VTI1A: variants seen among roughly 807,000 people sequenced by gnomAD.
VTI1A encodes the protein vesicle transport through interaction with t-SNAREs 1A.
In VTI1A, 22 loss-of-function variants were observed where a neutral mutation model predicts 34.9. That is an observed-to-expected ratio of 0.63 (90% CI 0.45 to 0.90). VTI1A has a LOEUF of 0.90. Among genes scored for constraint, VTI1A ranks in the 40% least tolerant of loss-of-function variants. VTI1A has a pLI of 0.00. For missense variants in VTI1A, 268 were observed against 275.6 expected, an observed-to-expected ratio of 0.97 and a Z score of 0.20; for synonymous variants, 87 against 97.3, an observed-to-expected ratio of 0.89 and a Z score of 0.62.
rs143977484 is a variant in VTI1A at position 112,635,577 on chromosome 10, C to T, written c.428-32641C>T. 6.6e-5 allele frequency among the ~76,000 whole-genome samples: 10 copies of T among 152,142 alleles called. No homozygotes were observed. The East Asian group carries it at 1.7e-3, about 26-fold the overall frequency. ...GAAGATTTTAGAAAGATCAAACAATCGAGACGTACTGATGGTTGTAGACAA... is the reference window on the plus strand; with the variant it reads ...GAAGATTTTAGAAAGATCAAACAATTGAGACGTACTGATGGTTGTAGACAA... On this transcript the variant is annotated intron_variant, in intron 5 of 7. Coordinates refer to ENST00000393077, the MANE Select transcript of VTI1A (RefSeq NM_145206.4).
chr10:112,834,895 A>C, the VTI1A span, among the ~76,000 whole-genome samples: 3 of 152,168 alleles, frequency 2.0e-5, no homozygotes, highest in South Asian at 6.2e-4. Context: ...TGGGTACTCT[A>C]CACAGGCCAC....
At chr10:112,621,636 G>A (rs1371129081) in intron 5 of VTI1A, among the ~76,000 whole-genome samples, 1 of 152,170 alleles carries the variant, frequency 6.6e-6, no homozygotes, top group Admixed American at 6.5e-5. Context: ...AGATTCATGT[G>A]TATCATTTCA....
chr10:112,659,726 C>T, intron 5 of VTI1A, among the ~76,000 whole-genome samples: 1 of 152,328 alleles, frequency 6.6e-6, no homozygotes, highest in African/African-American at 2.4e-5. Context: ...CACACACACA[C>T]GCGCACGCGC....
At chr10:112,611,341 G>A (rs1452409460) in intron 5 of VTI1A, among the ~76,000 whole-genome samples, 1 of 152,116 alleles carries the variant, frequency 6.6e-6, no homozygotes, top group Non-Finnish European at 1.5e-5. Flanking sequence ...TCATCATCAT[G>A]CTATGTAGCA....
chr10:112,689,514 A>G (rs1848539975), intron 7 of VTI1A, among the ~76,000 whole-genome samples: 1 of 152,184 alleles, frequency 6.6e-6, no homozygotes. Context: ...AGGGGGCAGC[A>G]TGGGAGCATT....
At chr10:112,548,365 CAAGTT>C (rs1307853876) in intron 5 of VTI1A, among the ~76,000 whole-genome samples, 1 of 151,744 alleles carries the variant, frequency 6.6e-6, no homozygotes, top group African/African-American at 2.4e-5. Context: ...GATTTTTGGT[CAAGTT>C]GTTTCCATTA....
chr10:112,634,068 A>T (rs1027700296), intron 5 of VTI1A: 6 of 152,518 alleles, frequency 3.9e-5, no homozygotes, highest in South Asian at 4.1e-4. Context: ...TGGCCACTTT[A>T]AAAGTTTTGT....
chr10:112,687,524 C>T (rs1263282438), intron 7 of VTI1A, among the ~76,000 whole-genome samples: 2 of 151,798 alleles, frequency 1.3e-5, no homozygotes, highest in African/African-American at 2.4e-5. Flanking sequence ...TGAGCCACTG[C>T]GCCCGGCAAC....
chr10:112,570,355 A>T (rs546804114), intron 5 of VTI1A, among the ~76,000 whole-genome samples: 1 of 151,992 alleles, frequency 6.6e-6, no homozygotes, highest in Non-Finnish European at 1.5e-5. Flanking sequence ...AGCACTTCTT[A>T]TGGGGAAAAA....
intron 3 of VTI1A, among the ~76,000 whole-genome samples, chr10:112,505,538 TG>T (rs1160496857): frequency 6.6e-6 from 1 of 152,210 alleles, no homozygotes; most frequent in Non-Finnish European, 1.5e-5. Flanking sequence ...GTAGTGTTAG[TG>T]GTCACTTTAT....
intron 7 of VTI1A, among the ~76,000 whole-genome samples, chr10:112,732,029 T>C (rs1338825838): frequency 6.6e-6 from 1 of 152,172 alleles, no homozygotes; most frequent in Non-Finnish European, 1.5e-5. Flanking sequence ...CTTTACCGAA[T>C]CACCTTTTTT....
At chr10:112,615,067 G>A (rs1845465744) in intron 5 of VTI1A, among the ~76,000 whole-genome samples, 1 of 151,586 alleles carries the variant, frequency 6.6e-6, no homozygotes, top group African/African-American at 2.4e-5. Flanking sequence ...ATTATTAGCT[G>A]AAAAAAAACC....
intron 1 of VTI1A, among the ~76,000 whole-genome samples, chr10:112,447,843 G>A (rs1227713206): frequency 6.6e-6 from 1 of 152,152 alleles, no homozygotes; most frequent in Non-Finnish European, 1.5e-5. Flanking sequence ...ATCTACAGCG[G>A]CGTTGTTGTG....
chr10:112,660,819 C>T lies in VTI1A; in HGVS notation c.428-7399C>T, dbSNP rs141754630. Reference sequence around the variant, plus strand: ...TACCTTAAATAAATATGCTACTTTACATAAAACTCAAGAGCCAGTCAACAG... The same window carrying T: ...TACCTTAAATAAATATGCTACTTTATATAAAACTCAAGAGCCAGTCAACAG... On this transcript the variant is annotated intron_variant, in intron 5 of 7. Coordinates refer to ENST00000393077, the MANE Select transcript of VTI1A (RefSeq NM_145206.4). 1.7e-4 allele frequency among the ~76,000 whole-genome samples: 26 copies of T among 152,276 alleles called. 1 individual carries two copies. Among genetic ancestry groups the T allele is most frequent in the African/African-American group, 6.0e-4 (25 of 41,568 alleles).
chr10:112,713,285 G>A (rs1420884755), intron 7 of VTI1A, among the ~76,000 whole-genome samples: 1 of 152,082 alleles, frequency 6.6e-6, no homozygotes, highest in Non-Finnish European at 1.5e-5. Context: ...AGAATCCAGG[G>A]CTTTCCTTCT....
intron 5 of VTI1A, among the ~76,000 whole-genome samples, chr10:112,651,926 C>T (rs1847040322): frequency 6.6e-6 from 1 of 152,164 alleles, no homozygotes; most frequent in African/African-American, 2.4e-5. Context: ...AGAACGTTAG[C>T]CTCAGCCAGA....
intron 3 of VTI1A, among the ~76,000 whole-genome samples, chr10:112,522,332 C>T (rs1850055122): frequency 6.6e-6 from 1 of 152,024 alleles, no homozygotes; most frequent in African/African-American, 2.4e-5. Flanking sequence ...ATGGAGAAAT[C>T]TATTAACCAA....
chr10:112,602,147 G>A (rs1844901610), intron 5 of VTI1A, among the ~76,000 whole-genome samples: 3 of 152,174 alleles, frequency 2.0e-5, no homozygotes, highest in Admixed American at 1.3e-4. Flanking sequence ...CAATAGAAAT[G>A]TCAAAAGTGA....
At chr10:112,468,184 C>A (rs898197656) in intron 3 of VTI1A, among the ~76,000 whole-genome samples, 1 of 152,092 alleles carries the variant, frequency 6.6e-6, no homozygotes, top group African/African-American at 2.4e-5. Context: ...GGCTTTTACT[C>A]TGGGTTGCAG....
Sources: allele counts gnomAD v4.1 joint callset (sites outside exome capture counted in the v4.1 genomes callset), GRCh38; gene constraint gnomAD v4.1.1; transcripts MANE v1.5; gene names NCBI Gene and HGNC (gene_info 2026-07-23, HGNC 2026-07-21).